RBM46: variants seen among roughly 807,000 people sequenced by gnomAD.
The protein encoded by RBM46 is RNA binding motif protein 46.
Under a neutral mutation model 43.3 loss-of-function variants are expected in RBM46, and 12 were observed. That is an observed-to-expected ratio of 0.28 (90% confidence interval 0.18 to 0.45). The LOEUF is 0.45. RBM46 is among the 20% of genes least tolerant of loss of function. The pLI is 1.00. For missense variants in RBM46, 412 were observed against 639.1 expected (o/e 0.64, Z 3.83); for synonymous variants, 205 against 207.6 (o/e 0.99, Z 0.11).
intron 4 of RBM46, among the ~76,000 whole-genome samples, chr4:154,823,199 C>T (rs1578954534): frequency 6.6e-6 from 1 of 151,842 alleles, no homozygotes; most frequent in South Asian, 2.1e-4. Flanking sequence ...ACAAAAAGTC[C>T]AGAATAGGCA....
chr4:154,827,878 C>G lies in RBM46; in HGVS notation c.1413C>G (p.Phe471Leu). 1 of 1,613,750 alleles carries G rather than the reference C, an allele frequency of 6.2e-7. No homozygotes were observed. The highest frequency in any genetic ancestry group is 8.5e-7 in the Non-Finnish European group (1 of 1,179,704). Residue 471 changes from phenylalanine (F) to leucine (L), a missense_variant, in exon 5 of 5, where the codon TTC becomes TTG. This residue lies in a region of RBM46 where 149 missense variants were observed against 156.3 expected (regional missense o/e 0.95). Transcript: ENST00000281722. ...QFTLLHLDYNFHRSSINSLSP... is the reference protein window; with the variant it reads ...QFTLLHLDYNLHRSSINSLSP... The stretch of plus-strand genomic sequence containing the variant: ...TGTATTTATTTACAGACTACAATTT[C>G]CATCGCAGCTCAATAAATAGTCTTT...
At chr4:154,782,472 GTTT>G (rs1733536499) in intron 1 of RBM46, among the ~76,000 whole-genome samples, 1 of 152,230 alleles carries the variant, frequency 6.6e-6, no homozygotes, top group East Asian at 1.9e-4. Context: ...ATCATAAGGA[GTTT>G]TTTTGTTTTG....
chr4:154,809,116 T>C (rs1735054753), intron 4 of RBM46, among the ~76,000 whole-genome samples: 1 of 152,060 alleles, frequency 6.6e-6, no homozygotes, highest in South Asian at 2.1e-4. Context: ...TATGTGTGAC[T>C]CTTCTATTTC....
rs200199125 is a variant in RBM46, at chr4:154,822,568, TA to T, written c.1403-5290del. 4.8e-3 allele frequency among the ~76,000 whole-genome samples: 713 copies of T among 147,798 alleles called. 8 individuals carry two copies. The highest frequency in any genetic ancestry group is 0.013 in the African/African-American group (506 of 40,418). On this transcript the variant is annotated intron_variant, in intron 4 of 4. Coordinates refer to ENST00000281722, the MANE Select transcript of RBM46 (RefSeq NM_144979.5). ...TCTAGGAATGTATAGTAGTATAGCT[TA>T]AAAAAAAAAGTTTTTTTTTGCAGAT...
intron 1 of RBM46, among the ~76,000 whole-genome samples, chr4:154,782,473 T>G (rs952734138): frequency 6.6e-6 from 1 of 151,896 alleles, no homozygotes; most frequent in African/African-American, 2.4e-5. Flanking sequence ...TCATAAGGAG[T>G]TTTTTTGTTT....
In RBM46 at chr4:154,799,235, A is replaced by G. The variant is rs1268838754; in HGVS notation, c.1073A>G (p.His358Arg). 3 of 1,614,220 alleles carry G rather than the reference A, an allele frequency of 1.9e-6. No individual in the cohort carries two copies. The highest frequency in any genetic ancestry group is 2.5e-6 in the Non-Finnish European group (3 of 1,180,042). The change falls in exon 4 of 5, where the codon CAT (histidine) becomes CGT (arginine). Residue 358 changes from histidine (H) to arginine (R), a missense_variant. Physicochemically the swap from His to Arg is conservative, Grantham distance 29 (BLOSUM62 0). This residue lies in a region of RBM46 where 105 missense variants were observed against 111.0 expected (regional missense o/e 0.95). Coordinates refer to ENST00000281722, the MANE Select transcript of RBM46 (RefSeq NM_144979.5). ...CTTCCTGCTCGTCTCAATGGTCAGC[A>G]TAGCCCAAGTCCGCCTGAAGTTGAA... ...PTLPARLNGQ[H>R]SPSPPEVERC...
chr4:154,820,877 G>A (rs1735689263), intron 4 of RBM46, among the ~76,000 whole-genome samples: 1 of 151,818 alleles, frequency 6.6e-6, no homozygotes, highest in Admixed American at 6.6e-5. Flanking sequence ...AGTTTTAGTA[G>A]GAAGTTAAAA....
At position 154,828,689 on chromosome 4, in the gene RBM46, G is replaced by A. The variant is rs936893393; in HGVS notation, c.*622G>A. ...ATGTATTTAAGCATTTTATAGTTAT[G>A]CTTTGTGTTTTTGATATTCTTTGTA... On this transcript the variant is annotated 3_prime_UTR_variant, in exon 5 of 5. Coordinates refer to ENST00000281722, the MANE Select transcript of RBM46 (RefSeq NM_144979.5). The A allele has an allele frequency of 1.1e-4, 17 of 152,504 alleles. No homozygotes were observed. Among genetic ancestry groups the A allele is most frequent in the African/African-American group, 3.9e-4 (16 of 41,414 alleles). 9.4% of individuals were successfully genotyped at this position (152,504 alleles called of 1,614,324 possible).
intron 4 of RBM46, among the ~76,000 whole-genome samples, chr4:154,813,201 G>T (rs941378178): frequency 6.6e-6 from 1 of 152,120 alleles, no homozygotes; most frequent in African/African-American, 2.4e-5. Context: ...GATTGGGAAA[G>T]AAATATATGA....
At chr4:154,806,415 A>G (rs1734909379) in intron 4 of RBM46, among the ~76,000 whole-genome samples, 1 of 151,792 alleles carries the variant, frequency 6.6e-6, no homozygotes. Context: ...TTTATTTAGT[A>G]AGTTTTAAGG....
intron 4 of RBM46, among the ~76,000 whole-genome samples, chr4:154,810,950 A>G (rs1735143756): frequency 1.3e-5 from 2 of 152,252 alleles, no homozygotes; most frequent in African/African-American, 4.8e-5. Flanking sequence ...ATTAACTGGC[A>G]GATGGCTGAT....
chr4:154,798,544 ATTC>A (rs1253726534), intron 3 of RBM46, among the ~76,000 whole-genome samples: 4 of 152,194 alleles, frequency 2.6e-5, no homozygotes, highest in Non-Finnish European at 5.9e-5. Flanking sequence ...GCAACACTTA[ATTC>A]TTCTGATAAA....
rs528375957 is a variant in RBM46 at position 154,819,505 on chromosome 4, A to T, written c.1403-8363A>T. Among the ~76,000 whole-genome samples the T allele has an allele frequency of 1.4e-4, 21 of 152,170 alleles. 1 individual carries two copies. Among genetic ancestry groups the T allele is most frequent in the Non-Finnish European group, 2.8e-4 (19 of 68,008 alleles). On this transcript the variant is annotated intron_variant, in intron 4 of 4. Coordinates refer to ENST00000281722, the MANE Select transcript of RBM46 (RefSeq NM_144979.5). The stretch of plus-strand genomic sequence containing the variant: ...TGAGATCACAGCCCCATAATTCGTC[A>T]CTGTCTTGGTTCTCAGTGATTTGAA...
intron 1 of RBM46, among the ~76,000 whole-genome samples, chr4:154,795,478 A>G (rs1189507874): frequency 6.6e-6 from 1 of 152,156 alleles, no homozygotes. Flanking sequence ...GTAGTAAAAA[A>G]ATCTATTAAT....
intron 1 of RBM46, among the ~76,000 whole-genome samples, chr4:154,782,717 A>G (rs1249420902): frequency 1.3e-5 from 2 of 152,152 alleles, no homozygotes; most frequent in African/African-American, 4.8e-5. Flanking sequence ...TCTGGACCTC[A>G]TGATCCACCC....
chr4:154,784,892 G>A (rs1733683132), intron 1 of RBM46, among the ~76,000 whole-genome samples: 1 of 152,144 alleles, frequency 6.6e-6, no homozygotes, highest in Admixed American at 6.5e-5. Flanking sequence ...TAGGTAACAG[G>A]TTGATTCTGG....
intron 4 of RBM46, among the ~76,000 whole-genome samples, chr4:154,817,195 G>A (rs1476069660): frequency 6.6e-6 from 1 of 151,824 alleles, no homozygotes; most frequent in Admixed American, 6.6e-5. Flanking sequence ...TAAGATTGGT[G>A]TTACATCGTT....
Position 154,789,828 on chromosome 4 carries a change from A to G in RBM46, c.-11-6914A>G, listed in dbSNP as rs180845527. 1.9e-3 allele frequency among the ~76,000 whole-genome samples: 288 copies of G among 152,250 alleles called. 1 individual carries two copies. The highest frequency in any genetic ancestry group is 6.8e-3 in the Middle Eastern group (2 of 294). On this transcript the variant is annotated intron_variant, in intron 1 of 4. Transcript: ENST00000281722. ...CTGGACTTTTTTTGGTTGGTAGGCTATTAATTATTGCCTCAATTTCAGAGC... is the reference window on the plus strand; with the variant it reads ...CTGGACTTTTTTTGGTTGGTAGGCTGTTAATTATTGCCTCAATTTCAGAGC...
At chr4:154,809,710 T>TA (rs1297106842) in intron 4 of RBM46, among the ~76,000 whole-genome samples, 2 of 152,150 alleles carry the variant, frequency 1.3e-5, no homozygotes, top group African/African-American at 4.8e-5. Flanking sequence ...GCAGTGCACT[T>TA]ACCTAAGTAT....
Sources: gnomAD v4.1 joint callset for allele counts (sites outside exome capture counted in the v4.1 genomes callset) on GRCh38, gnomAD v4.1.1 for gene constraint, gnomAD v4.1.1 regional missense constraint, MANE v1.5 for transcripts, NCBI Gene and HGNC (gene_info 2026-07-23, HGNC 2026-07-21) for gene names.